SPOCK3: variants seen among roughly 807,000 people sequenced by gnomAD.
The protein encoded by SPOCK3 is testican-3.
In SPOCK3, 30 loss-of-function variants were observed where a neutral mutation model predicts 56.6. That is an observed-to-expected ratio of 0.53 (90% CI 0.40 to 0.72). SPOCK3 has a LOEUF of 0.72. SPOCK3 is among the 30% of genes least tolerant of loss of function. SPOCK3 has a pLI of 0.00. For missense variants in SPOCK3, 527 were observed against 530.0 expected (o/e 0.99, Z 0.06); for synonymous variants, 196 against 183.3 (o/e 1.07, Z -0.56).
At chr4:166,767,488 G>A (rs550782003) in intron 7 of SPOCK3, among the ~76,000 whole-genome samples, 2 of 152,252 alleles carry the variant, frequency 1.3e-5, no homozygotes, top group African/African-American at 2.4e-5. Flanking sequence ...TTTCCATGTA[G>A]TTGAGTGGTT....
chr4:166,771,151 A>G (rs1406399777), intron 7 of SPOCK3, among the ~76,000 whole-genome samples: 2 of 151,070 alleles, frequency 1.3e-5, no homozygotes, highest in Non-Finnish European at 3.0e-5. Context: ...CTATTGTTTA[A>G]AAAGTTCAGA....
chr4:166,762,869 T>A (rs139631358), intron 7 of SPOCK3, among the ~76,000 whole-genome samples: 86 of 152,124 alleles, frequency 5.7e-4, no homozygotes, highest in African/African-American at 1.7e-3. Flanking sequence ...AGAAAGAATA[T>A]GAAAAAGAAA....
chr4:166,935,301 C>T (rs1176430190), intron 4 of SPOCK3, among the ~76,000 whole-genome samples: 7 of 152,074 alleles, frequency 4.6e-5, no homozygotes, highest in African/African-American at 1.4e-4. Flanking sequence ...CTCCCACTTA[C>T]AATAAAAGTG....
At chr4:167,122,515 A>T (rs956762450) in intron 2 of SPOCK3, among the ~76,000 whole-genome samples, 2 of 152,236 alleles carry the variant, frequency 1.3e-5, no homozygotes, top group Non-Finnish European at 2.9e-5. Context: ...GATAGAGAGG[A>T]AAAGTCGTTT....
chr4:167,075,875 G>T (rs559231349), intron 2 of SPOCK3, among the ~76,000 whole-genome samples: 1 of 151,700 alleles, frequency 6.6e-6, no homozygotes, highest in Non-Finnish European at 1.5e-5. Context: ...ATTAATCTAC[G>T]CCCATCAAGC....
At chr4:166,743,725 G>A (rs896608791) in intron 8 of SPOCK3, among the ~76,000 whole-genome samples, 6 of 152,158 alleles carry the variant, frequency 3.9e-5, no homozygotes, top group East Asian at 3.9e-4. Context: ...CGTGATAGAC[G>A]GTACCTGGAA....
At chr4:166,775,615 T>C (rs1167873301) in intron 7 of SPOCK3, among the ~76,000 whole-genome samples, 5 of 152,182 alleles carry the variant, frequency 3.3e-5, no homozygotes, top group Non-Finnish European at 7.3e-5. Flanking sequence ...TTAAAGGTAA[T>C]GATTACAGCT....
chr4:167,106,523 C>T (rs1377646956), intron 2 of SPOCK3, among the ~76,000 whole-genome samples: 1 of 151,498 alleles, frequency 6.6e-6, no homozygotes, highest in Non-Finnish European at 1.5e-5. Context: ...TAAGTGCCTA[C>T]ATCAAAAACT....
chr4:166,870,800 A>T (rs1398315591), intron 6 of SPOCK3, among the ~76,000 whole-genome samples: 1 of 152,096 alleles, frequency 6.6e-6, no homozygotes, highest in Non-Finnish European at 1.5e-5. Flanking sequence ...TCTCATCTTG[A>T]ATTATAATCC....
At chr4:166,926,310 T>C (rs1307698719) in intron 4 of SPOCK3, among the ~76,000 whole-genome samples, 1 of 152,150 alleles carries the variant, frequency 6.6e-6, no homozygotes, top group Non-Finnish European at 1.5e-5. Context: ...TTGAACCCTA[T>C]GGGCTCTTAG....
chr4:167,099,015 C>T (rs1759407169), intron 2 of SPOCK3, among the ~76,000 whole-genome samples: 1 of 152,080 alleles, frequency 6.6e-6, no homozygotes. Flanking sequence ...GGATCAGCAT[C>T]TAATCCATCT....
chr4:166,854,310 C>A (rs1730436704), intron 6 of SPOCK3, among the ~76,000 whole-genome samples: 1 of 152,096 alleles, frequency 6.6e-6, no homozygotes, highest in African/African-American at 2.4e-5. Context: ...AATCTGTACA[C>A]AATAAACTCT....
chr4:166,893,189 G>A (rs1435472044), intron 5 of SPOCK3, among the ~76,000 whole-genome samples: 1 of 152,056 alleles, frequency 6.6e-6, no homozygotes, highest in Non-Finnish European at 1.5e-5. Flanking sequence ...GGCCCCAAAT[G>A]TCAACAGTGC....
At chr4:167,137,484 T>C (rs1386721287) in intron 2 of SPOCK3, among the ~76,000 whole-genome samples, 1 of 152,018 alleles carries the variant, frequency 6.6e-6, no homozygotes, top group Non-Finnish European at 1.5e-5. Flanking sequence ...TTGAAAACCC[T>C]ATTACTTTTA....
intron 6 of SPOCK3, among the ~76,000 whole-genome samples, chr4:166,854,542 T>C (rs1730461044): frequency 6.6e-6 from 1 of 152,234 alleles, no homozygotes; most frequent in Middle Eastern, 3.2e-3. Context: ...TCTCAAGATT[T>C]CTGTCAATCA....
At position 166,792,192 on chromosome 4, in the gene SPOCK3, T is replaced by C. The variant is rs776659377; in HGVS notation, c.687A>G (p.Thr229=). The change falls in exon 7 of 11, where the codon ACA becomes ACG. Residue 229 remains threonine, a synonymous_variant. Transcript: ENST00000357545. ...ESGSQNKKTK[T]LLRPERSRFD... ...TACTGCTTCTCTCAGGCCTCAGCAA[T>C]GTTTTTGTCTTCTTGTTTTGACTTC... The C allele has an allele frequency of 6.2e-7, 1 of 1,613,970 alleles. No homozygotes were observed. Among genetic ancestry groups the C allele is most frequent in the Non-Finnish European group, 8.5e-7 (1 of 1,179,870 alleles).
chr4:167,233,379 G>T (rs1737384363), intron 2 of SPOCK3, among the ~76,000 whole-genome samples: 1 of 152,064 alleles, frequency 6.6e-6, no homozygotes, highest in African/African-American at 2.4e-5. Flanking sequence ...GATTCATTTT[G>T]GAATAAAATA....
chr4:166,899,678 G>A (rs764688672), intron 5 of SPOCK3, among the ~76,000 whole-genome samples: 2 of 151,466 alleles, frequency 1.3e-5, no homozygotes, highest in East Asian at 2.0e-4. Context: ...CACCATGCCC[G>A]TCTAATTTTT....
At chr4:167,058,823 A>G (rs927765154) in intron 3 of SPOCK3, among the ~76,000 whole-genome samples, 1 of 152,218 alleles carries the variant, frequency 6.6e-6, no homozygotes, top group African/African-American at 2.4e-5. Context: ...ATGGAACAGA[A>G]CACAGCCCTC....
Sources: gnomAD v4.1 joint callset for allele counts (sites outside exome capture counted in the v4.1 genomes callset) on GRCh38, gnomAD v4.1.1 for gene constraint, MANE v1.5 for transcripts, NCBI Gene and HGNC (gene_info 2026-07-23, HGNC 2026-07-21) for gene names.